The following CSMD1 variants were observed in gnomAD, a reference collection of about 807,000 sequenced individuals.
CSMD1 encodes CUB and sushi domain-containing protein 1.
Under a neutral mutation model 417.5 loss-of-function variants are expected in CSMD1, and 213 were observed. The ratio of observed to expected loss-of-function variants is 0.51; its 90% CI spans 0.46 to 0.57. The LOEUF (loss-of-function observed/expected upper bound fraction) is 0.57. Ranked by LOEUF, CSMD1 falls within the 20% of genes least tolerant of loss-of-function variation. CSMD1 has a pLI of 0.00. For missense variants in CSMD1, 6,923 were observed against 4,529.7 expected (o/e 1.53, Z -15.17); for synonymous variants, 2,862 against 1,736.8 (o/e 1.65, Z -16.11).
intron 2 of CSMD1, among the ~76,000 whole-genome samples, chr8:4,621,550 T>C (rs1037223582): frequency 6.6e-6 from 1 of 152,108 alleles, no homozygotes; most frequent in Non-Finnish European, 1.5e-5. Context: ...ATACATTGAA[T>C]TTTTTATTTA....
intron 8 of CSMD1, among the ~76,000 whole-genome samples, chr8:3,606,194 C>T (rs1027235766): frequency 6.6e-6 from 1 of 152,084 alleles, no homozygotes; most frequent in Non-Finnish European, 1.5e-5. Context: ...CAGAGATGGG[C>T]CAAGGTGCAG....
At chr8:3,385,117 T>TAATATATATATAATAC (rs1563333695) in intron 18 of CSMD1, among the ~76,000 whole-genome samples, 3 of 89,470 alleles carry the variant, frequency 3.4e-5, no homozygotes, top group East Asian at 2.5e-4. Flanking sequence ...TAAAAATATA[T>TAATATATATATAATAC]ATAATATATA....
chr8:3,505,388 T>C (rs879347763), intron 10 of CSMD1, among the ~76,000 whole-genome samples: 7 of 152,150 alleles, frequency 4.6e-5, no homozygotes, highest in African/African-American at 7.2e-5. Context: ...GCAAAAGATA[T>C]TGAAGTTTCT....
chr8:4,895,875 G>C (rs1026863950), intron 1 of CSMD1, among the ~76,000 whole-genome samples: 5 of 151,986 alleles, frequency 3.3e-5, no homozygotes, highest in African/African-American at 4.8e-5. Flanking sequence ...CTTGCCTTTT[G>C]TTACTTCCCC....
intron 1 of CSMD1, among the ~76,000 whole-genome samples, chr8:4,641,319 T>C (rs1252761956): frequency 1.3e-5 from 2 of 152,108 alleles, no homozygotes; most frequent in African/African-American, 2.4e-5. Context: ...GGCTCCTATC[T>C]AAAGTAATCA....
At position 4,031,835 on chromosome 8, in the gene CSMD1, T is replaced by C. The variant is rs926534964; in HGVS notation, c.610+70A>G. 1.3e-5 allele frequency: 16 copies of C among 1,218,394 alleles called. No homozygotes were observed. The African/African-American group carries it at 1.5e-4, about 12-fold the overall frequency. 75.5% of individuals were successfully genotyped at this position (1,218,394 alleles called of 1,614,324 possible). A position where few individuals can be genotyped will look rare whatever the true frequency, so the allele number is the denominator to read the frequency against. ...ATTATTTTCATTTAAGTGGAAACTT[T>C]CATAAAAGCATCTCCAAAACCATTG... On this transcript the variant is annotated intron_variant, in intron 4 of 69. Transcript: ENST00000635120.
intron 25 of CSMD1, 87 bp downstream of exon 25, chr8:3,307,608 G>C: frequency 7.2e-7 from 1 of 1,387,386 alleles, no homozygotes; most frequent in Non-Finnish European, 9.9e-7. Flanking sequence ...CTTTAACCAT[G>C]GATATTTGGT....
At chr8:3,903,473 A>G (rs1807901485) in intron 5 of CSMD1, among the ~76,000 whole-genome samples, 1 of 152,212 alleles carries the variant, frequency 6.6e-6, no homozygotes, top group Non-Finnish European at 1.5e-5. Flanking sequence ...AAGAAAGTCT[A>G]AAGTGGTATT....
chr8:4,785,907 C>G (rs1347350379), intron 1 of CSMD1, among the ~76,000 whole-genome samples: 5 of 152,056 alleles, frequency 3.3e-5, no homozygotes, highest in Non-Finnish European at 7.4e-5. Flanking sequence ...AGTGACAGCA[C>G]CAAAGACTGA....
chr8:4,481,132 G>C (rs1233332555), intron 2 of CSMD1, among the ~76,000 whole-genome samples: 1 of 152,156 alleles, frequency 6.6e-6, no homozygotes, highest in Non-Finnish European at 1.5e-5. Flanking sequence ...GCATCTCAAG[G>C]CTTGAGAGCC....
intron 1 of CSMD1, 41 bp downstream of exon 1, chr8:4,994,291 G>T (rs775552055): frequency 6.3e-7 from 1 of 1,583,274 alleles, no homozygotes; most frequent in Non-Finnish European, 8.6e-7. Flanking sequence ...GGGCCTCCGA[G>T]GGCTCTACCG....
chr8:3,599,125 C>CTG (rs143211609), intron 8 of CSMD1, among the ~76,000 whole-genome samples: 6,567 of 144,418 alleles, frequency 0.045, 255 homozygotes, highest in East Asian at 0.14. Context: ...TTGCTTACTG[C>CTG]TGTGTGTGTG....
At chr8:4,894,807 G>C (rs1016625624) in intron 1 of CSMD1, among the ~76,000 whole-genome samples, 1 of 151,760 alleles carries the variant, frequency 6.6e-6, no homozygotes, top group Non-Finnish European at 1.5e-5. Flanking sequence ...CCTCATGAAC[G>C]GACAACTTGA....
intron 3 of CSMD1, among the ~76,000 whole-genome samples, chr8:4,327,184 T>A (rs1420339010): frequency 3.3e-5 from 5 of 152,208 alleles, no homozygotes; most frequent in Non-Finnish European, 7.3e-5. Flanking sequence ...GTATATATAA[T>A]GCAGAAATAA....
At chr8:3,524,166 C>T (rs569150142) in intron 10 of CSMD1, among the ~76,000 whole-genome samples, 22 of 151,480 alleles carry the variant, frequency 1.5e-4, no homozygotes, top group African/African-American at 4.9e-4. Flanking sequence ...CAGCCAGAGA[C>T]GTGCACACAC....
chr8:4,447,651 G>A (rs1273623948), intron 2 of CSMD1, among the ~76,000 whole-genome samples: 8 of 152,156 alleles, frequency 5.3e-5, no homozygotes, highest in Non-Finnish European at 1.2e-4. Flanking sequence ...TTACGGAAAA[G>A]GAAGGAATGG....
rs1563066383 is a variant in CSMD1 at position 4,057,674 on chromosome 8, GT to G, written c.416-25576del. On this transcript the variant is annotated intron_variant, in intron 3 of 69. Transcript: ENST00000635120. Reference sequence around the variant, plus strand: ...GGGTTTTTATAGTTTTAGGTGTAACGTTTAAGTCTTTAATCTATCTTGAATT... The same window carrying G: ...GGGTTTTTATAGTTTTAGGTGTAACGTTAAGTCTTTAATCTATCTTGAATT... Among the ~76,000 whole-genome samples the G allele has an allele frequency of 2.0e-5, 3 of 150,810 alleles. No individual in the cohort carries two copies. The East Asian group carries it at 5.9e-4, about 30-fold the overall frequency.
intron 1 of CSMD1, among the ~76,000 whole-genome samples, chr8:4,962,830 T>A (rs1294462709): frequency 6.6e-6 from 1 of 152,178 alleles, no homozygotes; most frequent in African/African-American, 2.4e-5. Flanking sequence ...ATCTCCATTT[T>A]TAGACCTCTT....
intron 23 of CSMD1, among the ~76,000 whole-genome samples, chr8:3,338,140 T>G (rs1362523480): frequency 2.0e-5 from 3 of 152,194 alleles, no homozygotes; most frequent in African/African-American, 7.2e-5. Flanking sequence ...GTCATCCCTC[T>G]GAGGTGCTAA....
Sources: gnomAD v4.1 joint callset for allele counts (sites outside exome capture counted in the v4.1 genomes callset) on GRCh38, gnomAD v4.1.1 for gene constraint, MANE v1.5 for transcripts, NCBI Gene and HGNC (gene_info 2026-07-23, HGNC 2026-07-21) for gene names.